The following NOP9 variants were observed in gnomAD, a reference collection of about 807,000 sequenced individuals.
NOP9 encodes nucleolar protein 9.
In NOP9, 50 loss-of-function variants were observed where a neutral mutation model predicts 63.0. The observed-to-expected ratio is 0.79, with a 90% confidence interval of 0.63 to 1.00. The LOEUF (loss-of-function observed/expected upper bound fraction) is 1.00, where lower values mean the gene tolerates loss of function less well. NOP9 is among the 50% of genes least tolerant of loss of function. The pLI is 0.00. For synonymous variants in NOP9, 343 were observed against 332.8 expected (o/e 1.03, Z -0.33); for missense variants, 758 against 803.0 (o/e 0.94, Z 0.68).
chr14:24,305,230 A>G lies in NOP9; in HGVS notation c.*135A>G. The G allele has an allele frequency of 1.0e-6, 1 of 976,924 alleles. No individual in the cohort carries two copies. The highest frequency in any genetic ancestry group is 1.4e-6 in the Non-Finnish European group (1 of 712,114). The allele number at this position is 976,924 out of a possible 1,614,324, so 60.5% of individuals were successfully genotyped here. A position where few individuals can be genotyped will look rare whatever the true frequency, so the allele number is the denominator to read the frequency against. ...TATTTTTATTGGAAATGTTTTTGTT[A>G]GTTTGAGGGGAAGGGTATGAAGACA... On this transcript the variant is annotated 3_prime_UTR_variant, in exon 10 of 10. Transcript: ENST00000267425.
chr14:24,280,932 C>G, the NOP9 span, among the ~76,000 whole-genome samples: 1 of 152,146 alleles, frequency 6.6e-6, no homozygotes, highest in African/African-American at 2.4e-5. Flanking sequence ...GCTGTAGGGC[C>G]AGGCCTCGCA....
chr14:24,305,028 C>A lies in NOP9; in HGVS notation c.1844C>A (p.Ala615Asp). 6.2e-7 allele frequency: 1 copy of A among 1,606,796 alleles called. No homozygotes were observed. The highest frequency in any genetic ancestry group is 2.3e-5 in the East Asian group (1 of 44,358). The change falls in exon 10 of 10, where the codon GCT becomes GAT. Residue 615 changes from alanine (A) to aspartate (D), a missense_variant. Ala to Asp is a moderately radical substitution (Grantham distance 126). Coordinates refer to ENST00000267425, the MANE Select transcript of NOP9 (RefSeq NM_174913.3). ...ACTACCTTCCTAAAGCGGCGAGAGG[C>A]TTGGGAACAGCAGCAGGGTGCGGTG... ...ALTTFLKRRE[A>D]WEQQQGAVAK... is the part of the protein sequence containing the mutation.
At chr14:24,283,962 A>G in the NOP9 span, among the ~76,000 whole-genome samples, 2 of 152,228 alleles carry the variant, frequency 1.3e-5, no homozygotes, top group African/African-American at 4.8e-5. Flanking sequence ...ACCAGCAGCC[A>G]TGGGGCTCTG....
chr14:24,307,272 G>T lies in NOP9; in HGVS notation c.*2177G>T. ...TTAGCCCTCAGAGGGAGGGGCAGCTGTGTGACTTCAGCCCTCTGCTCCATC... is the reference window on the plus strand; with the variant it reads ...TTAGCCCTCAGAGGGAGGGGCAGCTTTGTGACTTCAGCCCTCTGCTCCATC... On this transcript the variant is annotated 3_prime_UTR_variant, in exon 10 of 10. Transcript: ENST00000267425. 1 of 1,319,556 alleles carries T rather than the reference G, an allele frequency of 7.6e-7. No homozygotes were observed. Among genetic ancestry groups the T allele is most frequent in the Non-Finnish European group, 1.1e-6 (1 of 950,120 alleles). The allele number at this position is 1,319,556 out of a possible 1,614,324, so 81.7% of individuals were successfully genotyped here.
At position 24,299,992 on chromosome 14, in the gene NOP9, G is replaced by T. The variant is rs867141047; in HGVS notation, c.38G>T (p.Arg13Leu). Residue 13 changes from arginine (R) to leucine (L), a missense_variant, in exon 1 of 10, where the codon CGC becomes CTC. By Grantham distance (102) the Arg-to-Leu change is moderately radical. Coordinates refer to ENST00000267425, the MANE Select transcript of NOP9 (RefSeq NM_174913.3). Reference protein sequence around the residue: ...QGPRSPHKVGRRFPAGGKRGR... With the variant: ...QGPRSPHKVGLRFPAGGKRGR... Reference sequence around the variant, plus strand: ...CCGCGCTCTCCACACAAGGTGGGGCGCCGGTTCCCAGCTGGTGGCAAACGG... The same window carrying T: ...CCGCGCTCTCCACACAAGGTGGGGCTCCGGTTCCCAGCTGGTGGCAAACGG... The T allele has an allele frequency of 6.3e-7, 1 of 1,594,808 alleles. No individual in the cohort carries two copies. The highest frequency in any genetic ancestry group is 8.5e-7 in the Non-Finnish European group (1 of 1,170,114).
chr14:24,306,653 C>A lies in NOP9; in HGVS notation c.*1558C>A. Reference sequence around the variant, plus strand: ...ACTTTGACTTTCCGGCACTTTGATACCTCCTAAAGGTTGCAGCTCTCCGTG... The same window carrying A: ...ACTTTGACTTTCCGGCACTTTGATAACTCCTAAAGGTTGCAGCTCTCCGTG... On this transcript the variant is annotated 3_prime_UTR_variant, in exon 10 of 10. Transcript: ENST00000267425. 1 of 1,135,634 alleles carries A rather than the reference C, an allele frequency of 8.8e-7. No homozygotes were observed. Among genetic ancestry groups the A allele is most frequent in the Non-Finnish European group, 1.3e-6 (1 of 782,596 alleles). The allele number at this position is 1,135,634 out of a possible 1,614,324, so 70.3% of individuals were successfully genotyped here.
At chr14:24,280,961 CAG>C in the NOP9 span, among the ~76,000 whole-genome samples, 1 of 152,112 alleles carries the variant, frequency 6.6e-6, no homozygotes, top group South Asian at 2.1e-4. Flanking sequence ...AGGGAGTGGA[CAG>C]GGAGTGGTTC....
At chr14:24,303,711 A>C (rs759967138) in intron 6 of NOP9, 21 bp from the exon 7 acceptor site, 33 of 1,606,366 alleles carry the variant, frequency 2.1e-5, no homozygotes, top group Non-Finnish European at 2.7e-5. Context: ...CAGGTTCATC[A>C]TATTCTGTCT....
At chr14:24,280,264 G>A in the NOP9 span, among the ~76,000 whole-genome samples, 1 of 152,238 alleles carries the variant, frequency 6.6e-6, no homozygotes, top group Non-Finnish European at 1.5e-5. Context: ...TTATGGAGAG[G>A]CATATGGTGC....
chr14:24,287,395 C>T, the NOP9 span, among the ~76,000 whole-genome samples: 1 of 152,160 alleles, frequency 6.6e-6, no homozygotes, highest in African/African-American at 2.4e-5. Context: ...CCTTACACAC[C>T]AAAGCTGTTC....
chr14:24,303,647 T>C (rs924192674), intron 6 of NOP9, 85 bp from the exon 7 acceptor site: 1 of 1,461,122 alleles, frequency 6.8e-7, no homozygotes, highest in Non-Finnish European at 9.5e-7. Context: ...TTGGGCCTTC[T>C]TTCCTTTCCT....
chr14:24,286,585 AT>A, the NOP9 span, among the ~76,000 whole-genome samples: 90 of 151,220 alleles, frequency 6.0e-4, no homozygotes, highest in African/African-American at 2.0e-3. Context: ...TTTTATTTTT[AT>A]TTTATTTATT....
the NOP9 span, chr14:24,291,356 A>G: frequency 9.0e-7 from 1 of 1,107,274 alleles, no homozygotes; most frequent in Non-Finnish European, 1.4e-6. Flanking sequence ...TGGGCCTTGG[A>G]CTTTTTCCAC....
At chr14:24,272,228 C>G in the NOP9 span, among the ~76,000 whole-genome samples, 1 of 152,168 alleles carries the variant, frequency 6.6e-6, no homozygotes, top group African/African-American at 2.4e-5. Flanking sequence ...ATTGATGACA[C>G]CCAAATTTAT....
chr14:24,307,206 G>T lies in NOP9; in HGVS notation c.*2111G>T. The stretch of plus-strand genomic sequence containing the variant: ...TAGAAAAGCTCACTCGGTGGAAAAT[G>T]AACAAATTGACCAGAGCTCATTAGG... On this transcript the variant is annotated 3_prime_UTR_variant, in exon 10 of 10. Coordinates refer to ENST00000267425, the MANE Select transcript of NOP9 (RefSeq NM_174913.3). 1.5e-6 allele frequency: 1 copy of T among 679,616 alleles called. No individual in the cohort carries two copies. The highest frequency in any genetic ancestry group is 2.4e-6 in the Non-Finnish European group (1 of 413,992). 42.1% of individuals were successfully genotyped at this position (679,616 alleles called of 1,614,324 possible). A position where few individuals can be genotyped will look rare whatever the true frequency, so the allele number is the denominator to read the frequency against.
the NOP9 span, among the ~76,000 whole-genome samples, chr14:24,276,923 G>A: frequency 6.6e-6 from 1 of 152,216 alleles, no homozygotes; most frequent in Non-Finnish European, 1.5e-5. Flanking sequence ...TGGGTAAAAG[G>A]TTTAGTGGGG....
intron 9 of NOP9, 131 bp from the exon 10 acceptor site, chr14:24,304,807 C>T: frequency 8.8e-7 from 1 of 1,138,976 alleles, no homozygotes; most frequent in Non-Finnish European, 1.2e-6. Flanking sequence ...GACTTCTGTT[C>T]TTTGGAAAGT....
the NOP9 span, among the ~76,000 whole-genome samples, chr14:24,275,063 C>CCA: frequency 6.6e-6 from 1 of 151,944 alleles, no homozygotes; most frequent in Non-Finnish European, 1.5e-5. Flanking sequence ...CAGGCATGCA[C>CCA]CACCATGCCC....
upstream of NOP9, among the ~76,000 whole-genome samples, chr14:24,297,596 T>C (rs1311905095): frequency 6.6e-6 from 1 of 152,198 alleles, no homozygotes; most frequent in Non-Finnish European, 1.5e-5. Flanking sequence ...ATCCAGCCAG[T>C]ACGACCTATC....
Sources: allele counts gnomAD v4.1 joint callset (sites outside exome capture counted in the v4.1 genomes callset), GRCh38; gene constraint gnomAD v4.1.1; transcripts MANE v1.5; gene names NCBI Gene and HGNC (gene_info 2026-07-23, HGNC 2026-07-21).